Variants in TAB2 observed in about 807,000 individuals in gnomAD.
The protein encoded by TAB2 is TGF-beta-activated kinase 1 and MAP3K7-binding protein 2.
Under a neutral mutation model 65.0 loss-of-function variants are expected in TAB2, and 3 were observed. That is an observed-to-expected ratio of 0.05 (90% CI 0.02 to 0.12). The LOEUF is 0.12. Ranked by LOEUF, TAB2 falls within the 10% of genes least tolerant of loss-of-function variation. The pLI is 1.00. For missense variants in TAB2, 623 were observed against 840.3 expected (o/e 0.74, Z 3.20); for synonymous variants, 298 against 285.1 (o/e 1.05, Z -0.46).
intron 1 of TAB2, among the ~76,000 whole-genome samples, chr6:149,272,074 TG>T (rs1261800218): frequency 2.0e-5 from 3 of 152,088 alleles, no homozygotes; most frequent in Non-Finnish European, 2.9e-5. Context: ...TGTAATTTTC[TG>T]TTGTAAGAGG....
chr6:149,346,090 A>G (rs1780287460), intron 1 of TAB2, among the ~76,000 whole-genome samples: 1 of 152,208 alleles, frequency 6.6e-6, no homozygotes, highest in African/African-American at 2.4e-5. Flanking sequence ...AGATGCTTTA[A>G]TTCATATAGC....
chr6:149,339,556 G>T (rs1175653149), intron 1 of TAB2, among the ~76,000 whole-genome samples: 1 of 151,184 alleles, frequency 6.6e-6, no homozygotes, highest in Non-Finnish European at 1.5e-5. Flanking sequence ...TTTTTAACAG[G>T]AAAGAAGCAC....
intron 1 of TAB2, among the ~76,000 whole-genome samples, chr6:149,242,648 A>C (rs528743471): frequency 5.9e-4 from 90 of 152,332 alleles, no homozygotes; most frequent in African/African-American, 2.1e-3. Flanking sequence ...ACTTTTCTGG[A>C]AGAACCTGTA....
intron 1 of TAB2, chr6:149,244,966 A>G (rs1777680378): frequency 6.6e-6 from 1 of 152,072 alleles, no homozygotes; most frequent in Non-Finnish European, 1.5e-5. Context: ...TAATTCTCTC[A>G]AGACCTCAAG....
intron 1 of TAB2, among the ~76,000 whole-genome samples, chr6:149,226,556 G>C (rs1390901502): frequency 1.3e-5 from 2 of 152,122 alleles, no homozygotes; most frequent in Non-Finnish European, 2.9e-5. Flanking sequence ...TCCTTTCCCT[G>C]GTAAAAACTG....
At chr6:149,224,209 C>T (rs184399753) in intron 1 of TAB2, among the ~76,000 whole-genome samples, 15 of 152,206 alleles carry the variant, frequency 9.9e-5, no homozygotes, top group African/African-American at 3.6e-4. Flanking sequence ...TGATAATGAA[C>T]GAAATGTAAT....
chr6:149,263,830 A>G (rs1778204442), intron 1 of TAB2, among the ~76,000 whole-genome samples: 1 of 152,252 alleles, frequency 6.6e-6, no homozygotes, highest in Non-Finnish European at 1.5e-5. Flanking sequence ...CGTAGCAGAC[A>G]TGCCTCTCAC....
At chr6:149,357,856 C>T (rs1009724976) in intron 1 of TAB2, among the ~76,000 whole-genome samples, 10 of 152,082 alleles carry the variant, frequency 6.6e-5, no homozygotes, top group African/African-American at 2.4e-4. Context: ...TCCACCCCTA[C>T]GCCCGGCTGA....
At chr6:149,393,860 T>G (rs575979012) in intron 3 of TAB2, among the ~76,000 whole-genome samples, 4 of 152,342 alleles carry the variant, frequency 2.6e-5, no homozygotes, top group African/African-American at 9.6e-5. Context: ...TCTGAAATAA[T>G]TATATGAAAT....
rs139472972 is a variant in TAB2 at position 149,237,616 on chromosome 6, C to G, written c.-121+18840C>G. On this transcript the variant is annotated intron_variant, in intron 1 of 1. Transcript: ENST00000606202. ...CTTCCTAAGACCCATGCTTTAACAACAAACCCCTCATCCGTCCTCTAGGCG... is the reference window on the plus strand; with the variant it reads ...CTTCCTAAGACCCATGCTTTAACAAGAAACCCCTCATCCGTCCTCTAGGCG... 5.3e-3 allele frequency among the ~76,000 whole-genome samples: 808 copies of G among 152,324 alleles called. 5 individuals are homozygous for G. The highest frequency in any genetic ancestry group is 0.019 in the African/African-American group (773 of 41,556).
chr6:149,246,504 G>A (rs1777720956), intron 1 of TAB2: 1 of 152,064 alleles, frequency 6.6e-6, no homozygotes, highest in Non-Finnish European at 1.5e-5. Flanking sequence ...TTTTCTATTC[G>A]ACCATAGCCT....
chr6:149,306,928 C>T (rs1284449433), intron 1 of TAB2, among the ~76,000 whole-genome samples: 1 of 152,130 alleles, frequency 6.6e-6, no homozygotes, highest in East Asian at 1.9e-4. Flanking sequence ...AATAAGAACT[C>T]CTTTTTAACC....
intron 1 of TAB2, among the ~76,000 whole-genome samples, chr6:149,337,891 G>A (rs917864736): frequency 6.6e-6 from 1 of 152,104 alleles, no homozygotes; most frequent in African/African-American, 2.4e-5. Context: ...TAAAATTGCA[G>A]GAGATATTGG....
At chr6:149,224,829 A>G (rs978336316) in intron 1 of TAB2, among the ~76,000 whole-genome samples, 1 of 152,256 alleles carries the variant, frequency 6.6e-6, no homozygotes, top group Non-Finnish European at 1.5e-5. Flanking sequence ...GCCCTTGAAA[A>G]ATAAACGGAG....
intron 1 of TAB2, among the ~76,000 whole-genome samples, chr6:149,280,056 A>T (rs1282577312): frequency 6.6e-6 from 1 of 152,128 alleles, no homozygotes; most frequent in African/African-American, 2.4e-5. Context: ...TACCTAATTT[A>T]TTGCTATATA....
chr6:149,303,084 C>G (rs1778997646), intron 1 of TAB2, among the ~76,000 whole-genome samples: 1 of 152,218 alleles, frequency 6.6e-6, no homozygotes, highest in Non-Finnish European at 1.5e-5. Context: ...GTCACTATCT[C>G]CCATCAACCC....
chr6:149,293,734 A>G (rs983212149), intron 1 of TAB2, among the ~76,000 whole-genome samples: 6 of 152,256 alleles, frequency 3.9e-5, no homozygotes, highest in Non-Finnish European at 1.5e-5. Flanking sequence ...AGTGAAATTT[A>G]TGATATCTTC....
Position 149,397,620 on chromosome 6 carries a change from G to A in TAB2, c.1620G>A (p.Gln540=). The change falls in exon 4 of 7, where the codon CAG becomes CAA. Residue 540 remains glutamine (Q), a synonymous_variant. Transcript: ENST00000637181. Reference sequence around the variant, plus strand: ...GTGTTGCAGCTCTTTTGGTACACCAGAAGGCCAGAATGGAACGACTTCAAA... The same window carrying A: ...GTGTTGCAGCTCTTTTGGTACACCAAAAGGCCAGAATGGAACGACTTCAAA... ...AAYTQALLVH[Q]KARMERLQRE... 1 of 1,614,090 alleles carries A rather than the reference G, an allele frequency of 6.2e-7. No homozygotes were observed. Among genetic ancestry groups the A allele is most frequent in the African/African-American group, 1.3e-5 (1 of 75,042 alleles).
intron 1 of TAB2, chr6:149,245,568 T>C (rs1206843912): frequency 1.3e-5 from 2 of 152,236 alleles, no homozygotes; most frequent in African/African-American, 2.4e-5. Context: ...TTATTTCTCT[T>C]CCTGAAATTC....
Sources: allele counts gnomAD v4.1 joint callset (sites outside exome capture counted in the v4.1 genomes callset), GRCh38; gene constraint gnomAD v4.1.1; transcripts MANE v1.5; gene names NCBI Gene and HGNC (gene_info 2026-07-23, HGNC 2026-07-21).